The following TOX2 variants were observed in gnomAD, a reference collection of about 807,000 sequenced individuals.
TOX2 encodes the protein TOX high mobility group box family member 2, also known as granulosa cell HMG box 1.
A neutral mutation model predicts 47.4 loss-of-function variants in TOX2; 15 were observed. The observed-to-expected ratio is 0.32, with a 90% CI of 0.21 to 0.49. The LOEUF is 0.49. Ranked by LOEUF, TOX2 falls within the 20% of genes least tolerant of loss-of-function variation. The pLI is 0.99. For missense variants in TOX2, 622 were observed against 673.1 expected (o/e 0.92, Z 0.84); for synonymous variants, 290 against 296.6 (o/e 0.98, Z 0.23).
At chr20:44,007,373 A>G (rs1214925072) in intron 3 of TOX2, 1 of 153,358 alleles carries the variant, frequency 6.5e-6, no homozygotes, top group Non-Finnish European at 1.5e-5. Flanking sequence ...TAGCTTTGGC[A>G]TCAGTATGGT....
Position 44,059,827 on chromosome 20 carries a change from TA to T in TOX2, c.880-4946del, listed in dbSNP as rs767350147. ...TAAAGCATAAATCTCACAGGACCTC[TA>T]AAATAATAACACAATTTTTTAAAAA... On this transcript the variant is annotated intron_variant, in intron 5 of 8. Transcript: ENST00000341197. Among the ~76,000 whole-genome samples the T allele has an allele frequency of 1.4e-4, 21 of 152,328 alleles. 1 individual carries two copies. The highest frequency in any genetic ancestry group is 9.1e-4 in the Admixed American group (14 of 15,302).
intron 1 of TOX2, among the ~76,000 whole-genome samples, chr20:43,965,194 G>C (rs1321319111): frequency 1.3e-5 from 2 of 152,150 alleles, no homozygotes; most frequent in Non-Finnish European, 2.9e-5. Flanking sequence ...CTGTCTCCGT[G>C]GTGGACATGT....
rs141177409 is a variant in TOX2, at chr20:44,037,057, C to T, written c.412-14249C>T. On this transcript the variant is annotated intron_variant, in intron 3 of 8. Coordinates refer to ENST00000341197, the MANE Select transcript of TOX2 (RefSeq NM_001098797.2). ...GCAACCTCTACCTCCCGGGTTCAAG[C>T]GATTCTCCTGCCTCAGCCTCCGAGT... 2.6e-3 allele frequency among the ~76,000 whole-genome samples: 401 copies of T among 152,290 alleles called. 3 individuals are homozygous for T. The highest frequency in any genetic ancestry group is 9.0e-3 in the African/African-American group (375 of 41,548).
intron 5 of TOX2, among the ~76,000 whole-genome samples, chr20:44,058,806 G>A (rs916417795): frequency 2.0e-5 from 3 of 152,200 alleles, no homozygotes; most frequent in Non-Finnish European, 2.9e-5. Flanking sequence ...AACAATCACT[G>A]CAGCAGGGCT....
intron 1 of TOX2, among the ~76,000 whole-genome samples, chr20:43,948,846 G>T (rs1426095848): frequency 6.6e-6 from 1 of 152,224 alleles, no homozygotes; most frequent in Non-Finnish European, 1.5e-5. Flanking sequence ...CTGCTGTTGG[G>T]TGTTGAGATG....
At chr20:43,993,304 T>G (rs967670479) in intron 2 of TOX2, among the ~76,000 whole-genome samples, 1 of 152,024 alleles carries the variant, frequency 6.6e-6, no homozygotes, top group Admixed American at 6.6e-5. Flanking sequence ...GGAAAGAGAT[T>G]AGAAGTTAGG....
intron 3 of TOX2, among the ~76,000 whole-genome samples, chr20:44,035,625 T>C (rs58134689): frequency 0.016 from 2,431 of 152,244 alleles, 69 homozygotes; most frequent in African/African-American, 0.056. Context: ...TCAACAAGGG[T>C]TGCTGAAGGG....
chr20:44,039,835 C>G (rs1467460925), intron 3 of TOX2, among the ~76,000 whole-genome samples: 1 of 152,134 alleles, frequency 6.6e-6, no homozygotes, highest in Non-Finnish European at 1.5e-5. Flanking sequence ...TTCCTGGGGC[C>G]CCAGTTGGTC....
chr20:44,012,045 A>G (rs1271181147), intron 3 of TOX2, among the ~76,000 whole-genome samples: 11 of 152,238 alleles, frequency 7.2e-5, no homozygotes, highest in Admixed American at 7.2e-4. Flanking sequence ...TATGAAAGAT[A>G]TATTTTGCCG....
intron 1 of TOX2, among the ~76,000 whole-genome samples, chr20:43,921,612 A>G (rs1357590912): frequency 6.6e-6 from 1 of 151,970 alleles, no homozygotes; most frequent in Non-Finnish European, 1.5e-5. Context: ...TTTCTGTACC[A>G]GCTGCTGGAG....
chr20:44,005,646 G>A (rs575287002), intron 2 of TOX2, among the ~76,000 whole-genome samples: 11 of 152,284 alleles, frequency 7.2e-5, no homozygotes, highest in Admixed American at 2.0e-4. Flanking sequence ...CAAATTACAT[G>A]TTTACTATGC....
rs139376396 is a variant in TOX2, at chr20:43,962,581, G to A, written c.100-10786G>A. 3.3e-3 allele frequency among the ~76,000 whole-genome samples: 509 copies of A among 152,330 alleles called. 4 individuals are homozygous for A. The highest frequency in any genetic ancestry group is 0.011 in the African/African-American group (449 of 41,554). On this transcript the variant is annotated intron_variant, in intron 1 of 8. Transcript: ENST00000341197. ...TCTGCTGTTTCCCAGTACCCAGAGC[G>A]TACATAGTTAAGGCCTCAGTTAACA...
At chr20:44,010,263 G>A (rs6031292) in intron 3 of TOX2, among the ~76,000 whole-genome samples, 115,556 of 152,084 alleles carry the variant, frequency 0.76, 44,936 homozygotes, top group African/African-American at 0.93. Context: ...GTCAAAGATG[G>A]CCCCCTAATT....
At chr20:43,950,279 G>A (rs905323017) in intron 1 of TOX2, among the ~76,000 whole-genome samples, 1 of 152,168 alleles carries the variant, frequency 6.6e-6, no homozygotes, top group Non-Finnish European at 1.5e-5. Flanking sequence ...CAGGCCAAGC[G>A]GATGTCAGCG....
chr20:43,973,892 G>T (rs67340628), intron 2 of TOX2, among the ~76,000 whole-genome samples: 10,458 of 152,202 alleles, frequency 0.069, 597 homozygotes, highest in African/African-American at 0.15. Flanking sequence ...TGTGGACAGG[G>T]CACAAGGAAA....
At chr20:44,056,932 C>T (rs1209781528) in intron 5 of TOX2, among the ~76,000 whole-genome samples, 6 of 152,058 alleles carry the variant, frequency 3.9e-5, no homozygotes, top group Non-Finnish European at 8.8e-5. Context: ...TTTTAAGAGA[C>T]AGGGTGTCAC....
chr20:43,953,417 T>G (rs1260081500), intron 1 of TOX2, among the ~76,000 whole-genome samples: 3 of 152,146 alleles, frequency 2.0e-5, no homozygotes, highest in African/African-American at 7.2e-5. Context: ...TGTCATCACG[T>G]TCATGCACAG....
intron 3 of TOX2, among the ~76,000 whole-genome samples, chr20:44,049,034 G>C (rs1164171938): frequency 6.6e-6 from 1 of 152,194 alleles, no homozygotes; most frequent in Admixed American, 6.5e-5. Context: ...CAGCTACCTG[G>C]GAGGCAGAGG....
chr20:43,945,795 A>G (rs1202980287), intron 1 of TOX2: 2 of 1,420,970 alleles, frequency 1.4e-6, no homozygotes, highest in Non-Finnish European at 1.9e-6. Flanking sequence ...ATTTCACCTT[A>G]TACGAATGGG....
Sources: allele counts gnomAD v4.1 joint callset (sites outside exome capture counted in the v4.1 genomes callset), GRCh38; gene constraint gnomAD v4.1.1; transcripts MANE v1.5; gene names NCBI Gene and HGNC (gene_info 2026-07-23, HGNC 2026-07-21).